TRIM66: variants seen among roughly 807,000 people sequenced by gnomAD.
TRIM66 encodes the protein tripartite motif containing 66.
A neutral mutation model predicts 148.2 loss-of-function variants in TRIM66; 99 were observed. That is an observed-to-expected ratio of 0.67 (90% CI 0.57 to 0.79). The LOEUF is 0.79. Ranked by LOEUF, TRIM66 falls within the 30% of genes least tolerant of loss-of-function variation. The pLI, the probability that TRIM66 is intolerant of heterozygous loss-of-function variation, is 0.00. For missense variants in TRIM66, 1,666 were observed against 1,697.9 expected (o/e 0.98, Z 0.33); for synonymous variants, 616 against 635.9 (o/e 0.97, Z 0.47).
intron 6 of TRIM66, among the ~76,000 whole-genome samples, chr11:8,668,852 C>A (rs779689704): frequency 6.6e-6 from 1 of 152,152 alleles, no homozygotes. Flanking sequence ...TCCCAAAGTG[C>A]TGGGATTACA....
intron 10 of TRIM66, among the ~76,000 whole-genome samples, chr11:8,647,472 C>T (rs1402464887): frequency 6.6e-6 from 1 of 152,076 alleles, no homozygotes; most frequent in Non-Finnish European, 1.5e-5. Flanking sequence ...CAAAATAATG[C>T]ATATATGATA....
Position 8,640,410 on chromosome 11 carries a change from G to C in TRIM66, c.1965C>G (p.His655Gln), listed in dbSNP as rs1345732617. The C allele has an allele frequency of 6.4e-7, 1 of 1,551,966 alleles. No individual in the cohort carries two copies. The highest frequency in any genetic ancestry group is 2.4e-5 in the East Asian group (1 of 40,906). Reference sequence around the variant, plus strand: ...TCTGCATTTCCTCCAGCTCAAACTTGTGATGCATTATGTCCATGTTCTGAG... The same window carrying C: ...TCTGCATTTCCTCCAGCTCAAACTTCTGATGCATTATGTCCATGTTCTGAG... ...ACSQNMDIMH[H>Q]KFELEEMQKD... The change falls in exon 14 of 25, where the codon CAC becomes CAG. Residue 655 changes from histidine (H) to glutamine (Q), a missense_variant. Around this residue, in one of 3 missense-constraint regions of TRIM66, gnomAD observed 1,431 missense variants for 1,412.4 expected, o/e 1.01. Coordinates refer to ENST00000646038, the MANE Select transcript of TRIM66 (RefSeq NM_001388022.1).
At position 8,672,295 on chromosome 11, in the gene TRIM66, C is replaced by T. The variant is rs990885441; in HGVS notation, c.-21G>A. 7.2e-6 allele frequency: 11 copies of T among 1,535,986 alleles called. No homozygotes were observed. Among genetic ancestry groups the T allele is most frequent in the Admixed American group, 3.9e-5 (2 of 50,978 alleles). On this transcript the variant is annotated 5_prime_UTR_variant, in exon 5 of 25. Transcript: ENST00000646038. ...GCCATCTCTGCCGTGGAAAACAAAG[C>T]GTGGAGGTGTCTGCTGTTTGTCTGA...
In TRIM66 at chr11:8,614,946, TG is replaced by T; in HGVS notation, c.*2997del. On this transcript the variant is annotated 3_prime_UTR_variant, in exon 25 of 25. Coordinates refer to ENST00000646038, the MANE Select transcript of TRIM66 (RefSeq NM_001388022.1). Reference sequence around the variant, plus strand: ...CATCCTGAACCAATTTTTTTTTTTTTGAGACGGAGTCTCGTTCTGTTGCCCA... The same window carrying T: ...CATCCTGAACCAATTTTTTTTTTTTTAGACGGAGTCTCGTTCTGTTGCCCA... 6.6e-6 allele frequency: 1 copy of T among 152,428 alleles called. No individual in the cohort carries two copies. Among genetic ancestry groups the T allele is most frequent in the Non-Finnish European group, 1.5e-5 (1 of 68,116 alleles). The allele number at this position is 152,428 out of a possible 1,614,324, so 9.4% of individuals were successfully genotyped here.
rs2038952356 is a variant in TRIM66 at position 8,671,856 on chromosome 11, A to T, written c.270T>A (p.Arg90=). Residue 90 remains arginine (R), a synonymous_variant, in exon 6 of 25, where the codon CGT becomes CGA. Transcript: ENST00000646038. The part of the protein sequence containing the change: ...SHLLSCQHLL[R]KDCFQGLIQE... ...GTATCAAGCCCTGGAAGCAGTCCTT[A>T]CGGAGCAAATGCTGGCAGGATAGGA... 2 of 1,534,716 alleles carry T rather than the reference A, an allele frequency of 1.3e-6. No individual in the cohort carries two copies. The highest frequency in any genetic ancestry group is 1.7e-6 in the Non-Finnish European group (2 of 1,145,618).
chr11:8,625,095 ACTGC>A lies in TRIM66; in HGVS notation c.2440_2443del (p.Ala814TyrfsTer5). The A allele has an allele frequency of 6.4e-7, 1 of 1,551,720 alleles. No homozygotes were observed. Among genetic ancestry groups the A allele is most frequent in the Non-Finnish European group, 8.7e-7 (1 of 1,147,010 alleles). On this transcript the variant is annotated frameshift_variant, in exon 16 of 25. Coordinates refer to ENST00000646038, the MANE Select transcript of TRIM66 (RefSeq NM_001388022.1). LOFTEE classifies it high-confidence loss of function. ...GGGGGGAGCACTCAGCAGGCTTGGT[ACTGC>A]CTGGGGGGCACCAGCTGTCAGGTTG...
At chr11:8,675,335 G>T (rs1279451331) in intron 3 of TRIM66, among the ~76,000 whole-genome samples, 1 of 152,172 alleles carries the variant, frequency 6.6e-6, no homozygotes, top group Non-Finnish European at 1.5e-5. Context: ...ATTCACTTTT[G>T]AGAAAATATC....
chr11:8,654,978 A>T (rs1316625200), intron 6 of TRIM66, among the ~76,000 whole-genome samples: 4 of 152,058 alleles, frequency 2.6e-5, no homozygotes, highest in Admixed American at 2.6e-4. Context: ...ATCCCGCCTC[A>T]GCCTCCTGAG....
At position 8,648,517 on chromosome 11, in the gene TRIM66, C is replaced by A. The variant is rs968859345; in HGVS notation, c.624G>T (p.Leu208Phe). The change falls in exon 9 of 25, where the codon TTG becomes TTT. Residue 208 changes from leucine (L) to phenylalanine (F), a missense_variant. By Grantham distance (22) the Leu-to-Phe change is conservative. Transcript: ENST00000646038. Reference sequence around the variant, plus strand: ...CTTCCTGTGTGTGTAGAGGACAATACAAGGTGAAGTCTCCGGGACCACCAT... The same window carrying A: ...CTTCCTGTGTGTGTAGAGGACAATAAAAGGTGAAGTCTCCGGGACCACCAT... ...GVNGGPGDFT[L>F]YCPLHTQEVL... The A allele has an allele frequency of 6.4e-7, 1 of 1,551,540 alleles. No individual in the cohort carries two copies. The highest frequency in any genetic ancestry group is 8.7e-7 in the Non-Finnish European group (1 of 1,147,002).
At chr11:8,619,017 A>T (rs769843409) in intron 23 of TRIM66, 49 bp from the exon 24 acceptor site, 3 of 1,509,664 alleles carry the variant, frequency 2.0e-6, no homozygotes, top group Non-Finnish European at 2.7e-6. Flanking sequence ...CTACCAGTCC[A>T]TCTCTTTCGG....
intron 8 of TRIM66, 32 bp from the exon 9 acceptor site, chr11:8,648,580 C>G: frequency 6.4e-7 from 1 of 1,550,484 alleles, no homozygotes; most frequent in Non-Finnish European, 8.7e-7. Flanking sequence ...GTGAGCTTCT[C>G]TTGCTCAGGT....
At chr11:8,666,727 C>G (rs1477774720) in intron 6 of TRIM66, among the ~76,000 whole-genome samples, 1 of 152,106 alleles carries the variant, frequency 6.6e-6, no homozygotes, top group Non-Finnish European at 1.5e-5. Flanking sequence ...CTCAGATGGC[C>G]AAATATACTG....
intron 15 of TRIM66, among the ~76,000 whole-genome samples, chr11:8,631,858 G>A (rs2035432803): frequency 6.6e-6 from 1 of 152,114 alleles, no homozygotes; most frequent in Non-Finnish European, 1.5e-5. Context: ...TGTTTTTGCT[G>A]CTGTTCCAAA....
rs780024945 is a variant in TRIM66 at position 8,640,282 on chromosome 11, T to C, written c.2093A>G (p.Tyr698Cys). The change falls in exon 14 of 25, where the codon TAC becomes TGC. Residue 698 changes from tyrosine to cysteine, a missense_variant. Around this residue, in one of 3 missense-constraint regions of TRIM66, gnomAD observed 1,431 missense variants for 1,412.4 expected, o/e 1.01. Coordinates refer to ENST00000646038, the MANE Select transcript of TRIM66 (RefSeq NM_001388022.1). ...LQQTIVGQIN[Y>C]IVRQPAPVQS... ...GACAGGTGCTGGCTGCCTCACGATG[T>C]AGTTGATCTGCCCCACAATGGTTTG... is the stretch of plus-strand genomic sequence containing the variant. 1 of 1,551,430 alleles carries C rather than the reference T, an allele frequency of 6.4e-7. No individual in the cohort carries two copies.
chr11:8,643,242 G>C, intron 12 of TRIM66, 116 bp from the exon 13 acceptor site: 1 of 748,620 alleles, frequency 1.3e-6, no homozygotes, highest in Non-Finnish European at 2.1e-6. Context: ...TTAACCTCTG[G>C]TCATCCTCCA....
In TRIM66 at chr11:8,649,817, C is replaced by T. The variant is rs1016982502; in HGVS notation, c.515G>A (p.Ser172Asn). Residue 172 changes from serine to asparagine, a missense_variant, in exon 8 of 25, where the codon AGC becomes AAC. Around this residue, in one of 3 missense-constraint regions of TRIM66, gnomAD observed 1,431 missense variants for 1,412.4 expected, o/e 1.01. Coordinates refer to ENST00000646038, the MANE Select transcript of TRIM66 (RefSeq NM_001388022.1). ...LCTYCNRWLC[S>N]SCTEEHRHSP... is the part of the protein sequence containing the mutation. ...GTGTCGGTGTTCCTCTGTGCAAGAG[C>T]TGCACAGCCAGCGATTGCAGTAGGT... 13 of 1,551,592 alleles carry T rather than the reference C, an allele frequency of 8.4e-6. No individual in the cohort carries two copies. Among genetic ancestry groups the T allele is most frequent in the Admixed American group, 2.0e-5 (1 of 50,982 alleles).
chr11:8,650,300 G>A (rs1322246684), intron 7 of TRIM66, among the ~76,000 whole-genome samples: 1 of 152,118 alleles, frequency 6.6e-6, no homozygotes, highest in East Asian at 1.9e-4. Flanking sequence ...TTGAGCTCAG[G>A]AGGTCAAGGC....
rs369045231 is a variant in TRIM66, at chr11:8,624,482, C to T, written c.2896G>A (p.Ala966Thr). Residue 966 changes from alanine to threonine, a missense_variant, in exon 17 of 25, where the codon GCT becomes ACT. Coordinates refer to ENST00000646038, the MANE Select transcript of TRIM66 (RefSeq NM_001388022.1). ...GQGPIVPGLD[A>T]PKDLAIPSEL... ...GAGGGGATGGCCAAGTCCTTGGGAGCATCCAGACCGGGGACTATGGGACCT... is the reference window on the plus strand; with the variant it reads ...GAGGGGATGGCCAAGTCCTTGGGAGTATCCAGACCGGGGACTATGGGACCT... 14 of 1,551,424 alleles carry T rather than the reference C, an allele frequency of 9.0e-6. No homozygotes were observed. Among genetic ancestry groups the T allele is most frequent in the Non-Finnish European group, 1.2e-5 (14 of 1,146,950 alleles).
chr11:8,619,264 G>C, intron 23 of TRIM66, 119 bp downstream of exon 23: 1 of 1,209,638 alleles, frequency 8.3e-7, no homozygotes, highest in Non-Finnish European at 1.1e-6. Context: ...CAGGCCCCCA[G>C]AATCTGCTCC....
Sources: gnomAD v4.1 joint callset for allele counts (sites outside exome capture counted in the v4.1 genomes callset) on GRCh38, gnomAD v4.1.1 for gene constraint, gnomAD v4.1.1 regional missense constraint, MANE v1.5 for transcripts, NCBI Gene and HGNC (gene_info 2026-07-23, HGNC 2026-07-21) for gene names.